The following MAGI2 variants were observed in gnomAD, a reference collection of about 807,000 sequenced individuals.
MAGI2 encodes the protein membrane-associated guanylate kinase, WW and PDZ domain-containing protein 2.
In MAGI2, 35 loss-of-function variants were observed where a neutral mutation model predicts 133.3. That is an observed-to-expected ratio of 0.26 (90% CI 0.20 to 0.35). The LOEUF (loss-of-function observed/expected upper bound fraction) is 0.35, where lower values mean the gene tolerates loss of function less well. Among genes scored for constraint, MAGI2 ranks in the 10% least tolerant of loss-of-function variants. The probability of loss-of-function intolerance (pLI) is 1.00; values close to 1 mark genes in which losing one functional copy is unlikely to be tolerated. For missense variants in MAGI2, 1,636 were observed against 1,863.4 expected, an observed-to-expected ratio of 0.88 and a Z score of 2.25; for synonymous variants, 729 against 710.6, an observed-to-expected ratio of 1.03 and a Z score of -0.41.
chr7:79,368,615 G>A (rs904355835), intron 1 of MAGI2, among the ~76,000 whole-genome samples: 13 of 151,870 alleles, frequency 8.6e-5, no homozygotes, highest in African/African-American at 2.4e-4. Flanking sequence ...TTGGGAGGCC[G>A]AGGCGGGCGG....
intron 6 of MAGI2, among the ~76,000 whole-genome samples, chr7:78,374,900 C>T (rs1397031318): frequency 2.6e-5 from 4 of 151,812 alleles, no homozygotes; most frequent in Non-Finnish European, 2.9e-5. Context: ...AGGACAGTGG[C>T]GCAATCTTGG....
intron 16 of MAGI2, among the ~76,000 whole-genome samples, chr7:78,152,848 A>G (rs541351618): frequency 6.6e-6 from 1 of 152,352 alleles, no homozygotes; most frequent in South Asian, 2.1e-4. Context: ...CACTCTCAGC[A>G]TAATCAAAGC....
intron 14 of MAGI2, among the ~76,000 whole-genome samples, chr7:78,169,231 G>C (rs1292943798): frequency 6.6e-6 from 1 of 152,184 alleles, no homozygotes; most frequent in Non-Finnish European, 1.5e-5. Flanking sequence ...TAATTTTGCT[G>C]TTTAACCTAT....
intron 21 of MAGI2, among the ~76,000 whole-genome samples, chr7:78,054,841 C>T (rs1174697810): frequency 6.6e-6 from 1 of 152,044 alleles, no homozygotes. Flanking sequence ...TTTGTAGATA[C>T]AGGGTCCCAC....
chr7:78,450,408 G>A (rs895762276), intron 6 of MAGI2, among the ~76,000 whole-genome samples: 8 of 152,056 alleles, frequency 5.3e-5, no homozygotes, highest in African/African-American at 9.7e-5. Context: ...TTCATATCTT[G>A]AAATTGCCCC....
intron 1 of MAGI2, among the ~76,000 whole-genome samples, chr7:79,349,121 C>T (rs530507317): frequency 5.9e-5 from 9 of 151,960 alleles, no homozygotes; most frequent in South Asian, 4.2e-4. Context: ...ATTTATAAAA[C>T]GTAACAGTGT....
chr7:78,658,878 T>C (rs541503359), intron 2 of MAGI2, among the ~76,000 whole-genome samples: 2 of 152,190 alleles, frequency 1.3e-5, no homozygotes, highest in Admixed American at 6.5e-5. Flanking sequence ...ACAGTCACTA[T>C]GGAAAACAAA....
At chr7:78,202,525 A>G (rs538268930) in intron 10 of MAGI2, among the ~76,000 whole-genome samples, 3 of 151,974 alleles carry the variant, frequency 2.0e-5, no homozygotes, top group Non-Finnish European at 2.9e-5. Context: ...TCTGCTAAAA[A>G]TACAAAAATT....
chr7:78,463,046 G>A (rs1282199968), intron 6 of MAGI2, among the ~76,000 whole-genome samples: 1 of 152,198 alleles, frequency 6.6e-6, no homozygotes, highest in African/African-American at 2.4e-5. Flanking sequence ...GAGTTAAATG[G>A]CAGCTTATAA....
intron 2 of MAGI2, among the ~76,000 whole-genome samples, chr7:78,636,029 G>T (rs1247740147): frequency 6.6e-6 from 1 of 152,172 alleles, no homozygotes; most frequent in Non-Finnish European, 1.5e-5. Flanking sequence ...AGGCCTTATA[G>T]ATTTCCTGTT....
At chr7:78,031,544 T>C (rs1563025528) in intron 21 of MAGI2, among the ~76,000 whole-genome samples, 1 of 152,164 alleles carries the variant, frequency 6.6e-6, no homozygotes, top group Admixed American at 6.5e-5. Flanking sequence ...CCCAATGAGA[T>C]GGATAATGAA....
intron 6 of MAGI2, among the ~76,000 whole-genome samples, chr7:78,449,938 C>T (rs369684958): frequency 4.6e-5 from 7 of 152,182 alleles, no homozygotes; most frequent in East Asian, 1.9e-4. Flanking sequence ...TACAGGCTTT[C>T]GATAACACTG....
intron 2 of MAGI2, among the ~76,000 whole-genome samples, chr7:78,898,257 C>T (rs772390007): frequency 3.9e-5 from 6 of 152,122 alleles, no homozygotes; most frequent in Non-Finnish European, 7.4e-5. Context: ...TTAGTTCATC[C>T]GTTGTGGAAA....
intron 1 of MAGI2, among the ~76,000 whole-genome samples, chr7:79,215,473 G>A (rs573917856): frequency 7.9e-5 from 12 of 151,852 alleles, no homozygotes; most frequent in Non-Finnish European, 1.3e-4. Flanking sequence ...AACCTTCTTC[G>A]GGGAGGCTTG....
intron 1 of MAGI2, among the ~76,000 whole-genome samples, chr7:79,070,538 C>G (rs1191573970): frequency 6.6e-6 from 1 of 151,806 alleles, no homozygotes; most frequent in African/African-American, 2.4e-5. Context: ...GTCACCCAGG[C>G]TGGAGTGCAG....
At chr7:78,667,834 A>T (rs1461030584) in intron 2 of MAGI2, among the ~76,000 whole-genome samples, 1 of 152,170 alleles carries the variant, frequency 6.6e-6, no homozygotes, top group Non-Finnish European at 1.5e-5. Flanking sequence ...TATTGTGAAT[A>T]GTACCGCAAT....
At chr7:78,709,633 C>A (rs893503598) in intron 2 of MAGI2, among the ~76,000 whole-genome samples, 1 of 152,162 alleles carries the variant, frequency 6.6e-6, no homozygotes, top group African/African-American at 2.4e-5. Flanking sequence ...CTATCCCAGT[C>A]CTCAATGAGT....
At chr7:78,573,594 A>G (rs1801961612) in intron 3 of MAGI2, among the ~76,000 whole-genome samples, 2 of 148,798 alleles carry the variant, frequency 1.3e-5, no homozygotes, top group Non-Finnish European at 1.5e-5. Flanking sequence ...TTTATTCCCA[A>G]TTATTTGTTT....
rs1045984240 is a variant in MAGI2, at chr7:78,501,113, C to T, written c.965+464G>A. Among the ~76,000 whole-genome samples the T allele has an allele frequency of 2.0e-5, 3 of 152,148 alleles. No homozygotes were observed. In the East Asian group the frequency reaches 5.8e-4, roughly 29 times the overall value. On this transcript the variant is annotated intron_variant, in intron 5 of 21. Coordinates refer to ENST00000354212, the MANE Select transcript of MAGI2 (RefSeq NM_012301.4). ...AAAGACAACCAACCAACCAAACAAACAACATCAATATTTTTTCTTTTGTGA... is the reference window on the plus strand; with the variant it reads ...AAAGACAACCAACCAACCAAACAAATAACATCAATATTTTTTCTTTTGTGA...
Sources: gnomAD v4.1 joint callset for allele counts (sites outside exome capture counted in the v4.1 genomes callset) on GRCh38, gnomAD v4.1.1 for gene constraint, MANE v1.5 for transcripts, NCBI Gene and HGNC (gene_info 2026-07-23, HGNC 2026-07-21) for gene names.